Variants in MAST2 observed in about 807,000 individuals in gnomAD.
The protein encoded by MAST2 is microtubule associated serine/threonine kinase 2.
Under a neutral mutation model 147.4 loss-of-function variants are expected in MAST2, and 70 were observed. That is an observed-to-expected ratio of 0.47 (90% CI 0.39 to 0.58). The LOEUF is 0.58. Among genes scored for constraint, MAST2 ranks in the 20% least tolerant of loss-of-function variants. The pLI, the probability that MAST2 is intolerant of heterozygous loss-of-function variation, is 0.00. For synonymous variants in MAST2, 869 were observed against 896.8 expected, an observed-to-expected ratio of 0.97 and a Z score of 0.55; for missense variants, 2,080 against 2,302.3, an observed-to-expected ratio of 0.90 and a Z score of 1.98.
intron 3 of MAST2, among the ~76,000 whole-genome samples, chr1:45,870,887 CCCCTGTACT>C (rs1242256960): frequency 6.6e-6 from 1 of 151,988 alleles, no homozygotes; most frequent in Non-Finnish European, 1.5e-5. Context: ...CATGATTGTG[CCCCTGTACT>C]CCAGCCTGGG....
chr1:45,861,107 C>T (rs1168897392), intron 3 of MAST2, among the ~76,000 whole-genome samples: 1 of 152,162 alleles, frequency 6.6e-6, no homozygotes. Flanking sequence ...TTACCAGCAC[C>T]TCTATTAAAT....
chr1:45,941,581 T>A (rs555040267), intron 4 of MAST2, among the ~76,000 whole-genome samples: 1 of 152,368 alleles, frequency 6.6e-6, no homozygotes, highest in Non-Finnish European at 1.5e-5. Context: ...TTTAAAAATT[T>A]CTTTGGGATT....
intron 5 of MAST2, among the ~76,000 whole-genome samples, chr1:45,979,125 G>T (rs1466276227): frequency 6.6e-6 from 1 of 152,140 alleles, no homozygotes; most frequent in Non-Finnish European, 1.5e-5. Flanking sequence ...CTTTAGATGG[G>T]GTAAAGGGAG....
intron 18 of MAST2, chr1:46,029,174 T>C (rs1646535200): frequency 1.8e-6 from 1 of 552,734 alleles, no homozygotes; most frequent in Non-Finnish European, 3.2e-6. Flanking sequence ...CACCTGGGTG[T>C]TCCTGTCTGT....
rs145810956 is a variant in MAST2, at chr1:45,909,588, A to G, written c.500+27193A>G. 3.0e-3 allele frequency among the ~76,000 whole-genome samples: 453 copies of G among 149,746 alleles called. 1 individual carries two copies. Among genetic ancestry groups the G allele is most frequent in the African/African-American group, 0.01 (412 of 40,622 alleles). On this transcript the variant is annotated intron_variant, in intron 4 of 28. Transcript: ENST00000361297. ...AGGCTGGAGTGCAGTGGTGTGGTCA[A>G]TTCACTGCAACCTCCCCCTCCTGGG...
chr1:45,824,581 G>T lies in MAST2; in HGVS notation c.325+1G>T, dbSNP rs777841505. On this transcript the variant is annotated splice_donor_variant, in intron 2 of 28. Coordinates refer to ENST00000361297, the MANE Select transcript of MAST2 (RefSeq NM_015112.3). LOFTEE classifies it high-confidence loss of function. ...GGAAACCTGGCCAGCTCTCTATCGG[G>T]TAAATATCTGATTTTGTTGTTTTAA... is the stretch of plus-strand genomic sequence containing the variant. 1 of 1,577,972 alleles carries T rather than the reference G, an allele frequency of 6.3e-7. No individual in the cohort carries two copies. The highest frequency in any genetic ancestry group is 1.8e-5 in the Admixed American group (1 of 55,700).
chr1:45,846,874 T>C (rs1300925581), intron 3 of MAST2: 1 of 175,490 alleles, frequency 5.7e-6, no homozygotes, highest in Non-Finnish European at 1.2e-5. Context: ...CAAATGAAAC[T>C]CTCATCATAT....
chr1:45,972,210 T>A (rs1359929921), intron 5 of MAST2, among the ~76,000 whole-genome samples: 1 of 152,214 alleles, frequency 6.6e-6, no homozygotes, highest in Non-Finnish European at 1.5e-5. Flanking sequence ...GCACACTGGT[T>A]GGAACAGCAT....
intron 3 of MAST2, among the ~76,000 whole-genome samples, chr1:45,869,202 C>T (rs1239934944): frequency 6.6e-6 from 1 of 152,092 alleles, no homozygotes; most frequent in Non-Finnish European, 1.5e-5. Context: ...ACCTGAGTAC[C>T]TAATTTTCAA....
chr1:45,940,150 G>A (rs571927444), intron 4 of MAST2, among the ~76,000 whole-genome samples: 2 of 151,084 alleles, frequency 1.3e-5, no homozygotes, highest in Admixed American at 6.6e-5. Flanking sequence ...CCACTGCCAC[G>A]CCTGGCTAAT....
intron 4 of MAST2, among the ~76,000 whole-genome samples, chr1:45,907,568 G>A (rs75579654): frequency 0.046 from 6,823 of 148,918 alleles, 230 homozygotes; most frequent in Non-Finnish European, 0.065. Flanking sequence ...AGCAATTCTT[G>A]TGCCTCAACT....
intron 4 of MAST2, among the ~76,000 whole-genome samples, chr1:45,951,181 A>T (rs554122081): frequency 6.6e-6 from 1 of 152,144 alleles, no homozygotes; most frequent in Non-Finnish European, 1.5e-5. Context: ...TGATTGTGCC[A>T]TTGCACCCTA....
At chr1:45,925,269 C>T (rs995630302) in intron 4 of MAST2, among the ~76,000 whole-genome samples, 3 of 152,152 alleles carry the variant, frequency 2.0e-5, no homozygotes, top group African/African-American at 4.8e-5. Flanking sequence ...GCGTTTTATG[C>T]CTTGATTGGA....
chr1:45,926,753 T>TTG (rs1395062941), intron 4 of MAST2, among the ~76,000 whole-genome samples: 2 of 152,232 alleles, frequency 1.3e-5, no homozygotes, highest in East Asian at 3.9e-4. Context: ...TGATTTTTTT[T>TTG]TTTTGTTTTT....
chr1:45,978,205 CATT>C (rs1446670958), intron 5 of MAST2, among the ~76,000 whole-genome samples: 10 of 152,174 alleles, frequency 6.6e-5, no homozygotes, highest in Admixed American at 6.5e-4. Context: ...AATTTACTCT[CATT>C]AGTAATTATG....
chr1:45,931,639 G>A (rs1274059807), intron 4 of MAST2, among the ~76,000 whole-genome samples: 3 of 151,822 alleles, frequency 2.0e-5, no homozygotes, highest in Non-Finnish European at 2.9e-5. Context: ...ACAGGCGCCC[G>A]CCACCACACC....
At chr1:45,994,814 G>T (rs1644991326) in intron 5 of MAST2, among the ~76,000 whole-genome samples, 1 of 151,662 alleles carries the variant, frequency 6.6e-6, no homozygotes, top group African/African-American at 2.4e-5. Flanking sequence ...TTCTAGGTTG[G>T]CAGGAGAATA....
At chr1:45,813,833 A>G (rs1463568243) in intron 1 of MAST2, among the ~76,000 whole-genome samples, 1 of 151,956 alleles carries the variant, frequency 6.6e-6, no homozygotes, top group Non-Finnish European at 1.5e-5. Context: ...TTTTTTTTAA[A>G]TAGAGATGAA....
intron 4 of MAST2, among the ~76,000 whole-genome samples, chr1:45,956,208 A>G (rs1659641456): frequency 6.6e-6 from 1 of 152,158 alleles, no homozygotes; most frequent in Non-Finnish European, 1.5e-5. Context: ...ACTTTTGAGA[A>G]AATTTTTATT....
Sources: allele counts gnomAD v4.1 joint callset (sites outside exome capture counted in the v4.1 genomes callset), GRCh38; gene constraint gnomAD v4.1.1; transcripts MANE v1.5; gene names NCBI Gene and HGNC (gene_info 2026-07-23, HGNC 2026-07-21).